Variants in SNTG2 observed in about 807,000 individuals in gnomAD.
SNTG2 encodes syntrophin gamma 2, also known as gamma-2-syntrophin.
Under a neutral mutation model 70.9 loss-of-function variants are expected in SNTG2, and 74 were observed. The observed-to-expected ratio is 1.04, with a 90% confidence interval of 0.86 to 1.27. SNTG2 has a LOEUF of 1.27. Ranked by LOEUF, SNTG2 falls within the 50% of genes most tolerant of loss-of-function variation. The probability of loss-of-function intolerance (pLI) is 0.00; values close to 1 mark genes in which losing one functional copy is unlikely to be tolerated. For synonymous variants in SNTG2, 278 were observed against 273.8 expected, an observed-to-expected ratio of 1.02 and a Z score of -0.15; for missense variants, 717 against 690.7, an observed-to-expected ratio of 1.04 and a Z score of -0.43.
intron 1 of SNTG2, among the ~76,000 whole-genome samples, chr2:1,055,679 A>G (rs970819570): frequency 6.6e-6 from 1 of 152,214 alleles, no homozygotes; most frequent in Non-Finnish European, 1.5e-5. Context: ...TGTTGCAGAA[A>G]TTCAGATTTG....
intron 1 of SNTG2, among the ~76,000 whole-genome samples, chr2:998,617 G>A (rs1018434922): frequency 8.6e-5 from 13 of 151,694 alleles, no homozygotes; most frequent in African/African-American, 3.1e-4. Context: ...AAAAATTTAA[G>A]GCCTTTAAAG....
chr2:1,028,997 A>AT (rs987196917), intron 1 of SNTG2, among the ~76,000 whole-genome samples: 6 of 152,154 alleles, frequency 3.9e-5, no homozygotes, highest in African/African-American at 1.4e-4. Flanking sequence ...ATGTGGAGGC[A>AT]TGCACCTTCT....
chr2:1,083,661 T>C lies in SNTG2; in HGVS notation c.210+6T>C. 6.2e-7 allele frequency: 1 copy of C among 1,613,694 alleles called. No homozygotes were observed. The highest frequency in any genetic ancestry group is 8.5e-7 in the Non-Finnish European group (1 of 1,179,676). ...GAAGCCACCAGGGCAGGAATGTAAG[T>C]GCCATCACTTCAGGGAAGTCTTGGA... On this transcript the variant is annotated splice_donor_region_variant and intron_variant, in intron 2 of 16. Coordinates refer to ENST00000308624, the MANE Select transcript of SNTG2 (RefSeq NM_018968.4).
chr2:1,308,674 G>T (rs772389388), intron 15 of SNTG2, 88 bp downstream of exon 15: 21 of 1,099,604 alleles, frequency 1.9e-5, no homozygotes, highest in Non-Finnish European at 2.6e-5. Context: ...ATGTCTGGTA[G>T]AAGCCACCAA....
chr2:1,359,910 T>C (rs1450624666), intron 16 of SNTG2, among the ~76,000 whole-genome samples: 1 of 152,206 alleles, frequency 6.6e-6, no homozygotes, highest in Non-Finnish European at 1.5e-5. Flanking sequence ...TTTTACTTTG[T>C]CCATATCTTC....
chr2:1,000,835 A>G (rs1659356491), intron 1 of SNTG2, among the ~76,000 whole-genome samples: 1 of 151,978 alleles, frequency 6.6e-6, no homozygotes, highest in Non-Finnish European at 1.5e-5. Flanking sequence ...ACAGGCAAAT[A>G]TCATAGATGA....
At chr2:1,320,534 C>CAAAAAAAAAAAAAAAAAA (rs35391780) in intron 16 of SNTG2, among the ~76,000 whole-genome samples, 2 of 89,452 alleles carry the variant, frequency 2.2e-5, no homozygotes, top group Non-Finnish European at 4.5e-5. Flanking sequence ...GACTCCTTCT[C>CAAAAAAAAAAAAAAAAAA]AAAAAAAAAA....
At chr2:1,262,440 G>A (rs1018031011) in intron 13 of SNTG2, among the ~76,000 whole-genome samples, 1 of 152,200 alleles carries the variant, frequency 6.6e-6, no homozygotes, top group Non-Finnish European at 1.5e-5. Flanking sequence ...GACAGTCCTG[G>A]GTTGTACAGC....
chr2:1,132,764 T>C (rs959973049), intron 4 of SNTG2, among the ~76,000 whole-genome samples: 1 of 152,090 alleles, frequency 6.6e-6, no homozygotes, highest in Non-Finnish European at 1.5e-5. Flanking sequence ...CATGATACGA[T>C]CCATTAACCA....
chr2:1,154,870 C>T (rs1051739593), intron 6 of SNTG2, among the ~76,000 whole-genome samples: 1 of 151,318 alleles, frequency 6.6e-6, no homozygotes, highest in Non-Finnish European at 1.5e-5. Flanking sequence ...ATGCACACAC[C>T]ACACAAACAC....
At chr2:1,231,519 A>T (rs1676243789) in intron 9 of SNTG2, among the ~76,000 whole-genome samples, 1 of 152,208 alleles carries the variant, frequency 6.6e-6, no homozygotes, top group African/African-American at 2.4e-5. Flanking sequence ...AGCACAAGCC[A>T]TTCAATGCAG....
At chr2:971,211 T>C (rs761015772) in intron 1 of SNTG2, among the ~76,000 whole-genome samples, 1 of 152,246 alleles carries the variant, frequency 6.6e-6, no homozygotes, top group Non-Finnish European at 1.5e-5. Context: ...TCATTAGGAA[T>C]GATACCAGCT....
intron 1 of SNTG2, among the ~76,000 whole-genome samples, chr2:956,961 C>G (rs1660182764): frequency 6.6e-6 from 1 of 152,156 alleles, no homozygotes; most frequent in East Asian, 1.9e-4. Context: ...AAATATAATT[C>G]TATTTCTCAG....
chr2:1,096,145 A>G (rs11127459), intron 2 of SNTG2, among the ~76,000 whole-genome samples: 86,157 of 151,996 alleles, frequency 0.57, 24,862 homozygotes, highest in East Asian at 0.72. Context: ...TCCCTCCTCT[A>G]TAGAGGATAT....
chr2:1,322,023 G>A (rs983276305), intron 16 of SNTG2, among the ~76,000 whole-genome samples: 4 of 151,582 alleles, frequency 2.6e-5, no homozygotes, highest in East Asian at 1.9e-4. Context: ...CTGGATAGTC[G>A]ATTCATTCCA....
At chr2:1,263,529 A>G (rs1365085421) in intron 13 of SNTG2, among the ~76,000 whole-genome samples, 1 of 152,004 alleles carries the variant, frequency 6.6e-6, no homozygotes, top group Admixed American at 6.5e-5. Flanking sequence ...GGAACATAAT[A>G]AGATGATGTC....
At chr2:1,331,562 T>G (rs759068314) in intron 16 of SNTG2, among the ~76,000 whole-genome samples, 6 of 152,182 alleles carry the variant, frequency 3.9e-5, no homozygotes, top group Non-Finnish European at 7.3e-5. Context: ...AGACAAGCCT[T>G]ATGAAGTTTG....
chr2:962,438 G>A (rs1292606776), intron 1 of SNTG2, among the ~76,000 whole-genome samples: 1 of 152,282 alleles, frequency 6.6e-6, no homozygotes, highest in Non-Finnish European at 1.5e-5. Context: ...ATCTGGATCT[G>A]CCTTGCACCT....
chr2:1,016,441 A>G (rs1394573653), intron 1 of SNTG2, among the ~76,000 whole-genome samples: 1 of 152,150 alleles, frequency 6.6e-6, no homozygotes, highest in African/African-American at 2.4e-5. Context: ...GGGTTTTACC[A>G]TGTTGGCCAG....
Sources: allele counts gnomAD v4.1 joint callset (sites outside exome capture counted in the v4.1 genomes callset), GRCh38; gene constraint gnomAD v4.1.1; transcripts MANE v1.5; gene names NCBI Gene and HGNC (gene_info 2026-07-23, HGNC 2026-07-21).